ATP10B: variants seen among roughly 807,000 people sequenced by gnomAD.
The protein encoded by ATP10B is phospholipid-transporting ATPase VB.
ATP10B carries 122 observed loss-of-function variants against 141.2 expected under a neutral mutation model. The observed-to-expected ratio is 0.86, with a 90% CI of 0.75 to 1.00. ATP10B has a LOEUF of 1.00. ATP10B is among the 50% of genes least tolerant of loss of function. The probability of loss-of-function intolerance (pLI) is 0.00; values close to 1 mark genes in which losing one functional copy is unlikely to be tolerated. For synonymous variants in ATP10B, 685 were observed against 692.0 expected, an observed-to-expected ratio of 0.99 and a Z score of 0.16; for missense variants, 1,876 against 1,825.3, an observed-to-expected ratio of 1.03 and a Z score of -0.51.
At chr5:160,918,578 CCTA>C in the ATP10B span, among the ~76,000 whole-genome samples, 2 of 152,208 alleles carry the variant, frequency 1.3e-5, no homozygotes, top group Non-Finnish European at 2.9e-5. Context: ...ACACATAAAT[CCTA>C]CTTACTCAGC....
chr5:160,575,444 A>G (rs1477164505), intron 24 of ATP10B, among the ~76,000 whole-genome samples: 2 of 152,178 alleles, frequency 1.3e-5, no homozygotes, highest in South Asian at 2.1e-4. Flanking sequence ...GTTTAAAGAA[A>G]GAATAATGCT....
chr5:160,868,011 C>T, the ATP10B span, among the ~76,000 whole-genome samples: 286 of 152,096 alleles, frequency 1.9e-3, no homozygotes, highest in African/African-American at 6.7e-3. Context: ...GTAATATCAC[C>T]GAAAGCTCTG....
chr5:160,630,539 T>C (rs1758863929), intron 13 of ATP10B, among the ~76,000 whole-genome samples: 1 of 152,226 alleles, frequency 6.6e-6, no homozygotes, highest in East Asian at 1.9e-4. Flanking sequence ...AACTGGAAGA[T>C]GCCAACGACA....
At position 160,623,525 on chromosome 5, in the gene ATP10B, A is replaced by AT. The variant is rs11320828; in HGVS notation, c.1621-941dup. Among the ~76,000 whole-genome samples, 282 of 149,696 alleles carry AT rather than the reference A, an allele frequency of 1.9e-3. 1 individual carries two copies. The highest frequency in any genetic ancestry group is 0.01 in the Middle Eastern group (3 of 288). On this transcript the variant is annotated intron_variant, in intron 13 of 25. Transcript: ENST00000327245. ...ATAAAGCAAAGATGATGCATGACCT[A>AT]TTTTTTTTTTTTCTTTTCCTCCTAT...
At chr5:160,602,836 T>A (rs1264935526) in intron 20 of ATP10B, 134 bp from the exon 21 acceptor site, 4 of 1,248,214 alleles carry the variant, frequency 3.2e-6, no homozygotes, top group African/African-American at 1.5e-5. Context: ...TGGTCACTCT[T>A]GGGTAGCTTT....
the ATP10B span, among the ~76,000 whole-genome samples, chr5:160,872,668 G>A: frequency 3.9e-5 from 6 of 152,040 alleles, no homozygotes; most frequent in African/African-American, 9.7e-5. Flanking sequence ...TTGCTTTGTC[G>A]AAGATCAGTT....
chr5:160,566,387 T>G (rs1487630182), intron 25 of ATP10B, among the ~76,000 whole-genome samples: 2 of 152,238 alleles, frequency 1.3e-5, no homozygotes, highest in African/African-American at 4.8e-5. Context: ...TGTTAAGCCT[T>G]TGTGAAACTT....
At position 160,565,522 on chromosome 5, in the gene ATP10B, T is replaced by C. The variant is rs760008541; in HGVS notation, c.4317A>G (p.Gly1439=). ...TTGAGCACCGGCACATATCAGTCTG[T>C]CCTCTTGAGTAGGCCATTATCCTGT... ...GPNRIMAYSR[G]QTDMCRCSKR... The change falls in exon 26 of 26, where the codon GGA becomes GGG. Residue 1439 remains glycine, a synonymous_variant. Coordinates refer to ENST00000327245, the MANE Select transcript of ATP10B (RefSeq NM_025153.3). 5.0e-6 allele frequency: 8 copies of C among 1,613,982 alleles called. No individual in the cohort carries two copies. In the East Asian group the frequency reaches 1.8e-4, roughly 36 times the overall value.
chr5:160,751,431 A>G (rs1044383435), intron 2 of ATP10B, among the ~76,000 whole-genome samples: 16 of 152,226 alleles, frequency 1.1e-4, no homozygotes, highest in African/African-American at 3.9e-4. Context: ...CAGTGACAGG[A>G]TGAAGTAAGC....
At chr5:160,754,940 T>C (rs1036185820) in intron 2 of ATP10B, among the ~76,000 whole-genome samples, 5 of 152,246 alleles carry the variant, frequency 3.3e-5, no homozygotes, top group Non-Finnish European at 7.3e-5. Context: ...ACTACACATA[T>C]AGTCATGCTT....
the ATP10B span, among the ~76,000 whole-genome samples, chr5:160,880,628 A>G: frequency 4.2e-4 from 64 of 152,336 alleles, no homozygotes; most frequent in Middle Eastern, 3.4e-3. Flanking sequence ...ATAGAACCAC[A>G]TAAGACCCAT....
the ATP10B span, among the ~76,000 whole-genome samples, chr5:160,923,819 A>G: frequency 2.6e-5 from 4 of 152,340 alleles, no homozygotes; most frequent in African/African-American, 9.6e-5. Context: ...CTGAAACTAT[A>G]CTTTAAGATC....
At chr5:160,619,085 T>C (rs1758179829) in intron 15 of ATP10B, among the ~76,000 whole-genome samples, 1 of 152,210 alleles carries the variant, frequency 6.6e-6, no homozygotes, top group Non-Finnish European at 1.5e-5. Context: ...TTAAGCATAG[T>C]CTTCATTTGT....
intron 2 of ATP10B, among the ~76,000 whole-genome samples, chr5:160,735,567 C>A (rs960989984): frequency 6.6e-6 from 1 of 152,108 alleles, no homozygotes; most frequent in African/African-American, 2.4e-5. Flanking sequence ...CAATACTTCA[C>A]TTTTAGCATT....
At chr5:160,925,362 G>A in the ATP10B span, among the ~76,000 whole-genome samples, 4 of 152,134 alleles carry the variant, frequency 2.6e-5, no homozygotes, top group Admixed American at 2.0e-4. Flanking sequence ...CATACCTATC[G>A]ATTTGTATAA....
At chr5:160,845,685 A>G (rs940937705) in intron 1 of ATP10B, among the ~76,000 whole-genome samples, 6 of 152,196 alleles carry the variant, frequency 3.9e-5, no homozygotes, top group Non-Finnish European at 7.4e-5. Flanking sequence ...GCCAAATTAA[A>G]TACATCTTCC....
chr5:160,687,731 C>T, intron 5 of ATP10B, 69 bp downstream of exon 5: 2 of 1,536,476 alleles, frequency 1.3e-6, no homozygotes, highest in Non-Finnish European at 1.8e-6. Flanking sequence ...CACGACTATA[C>T]TCCAGCCTGG....
chr5:160,599,794 T>C (rs1046177731), intron 21 of ATP10B, among the ~76,000 whole-genome samples: 3 of 152,216 alleles, frequency 2.0e-5, no homozygotes, highest in Admixed American at 1.3e-4. Context: ...TTGTCTACCA[T>C]ATTGCGATAT....
intron 2 of ATP10B, among the ~76,000 whole-genome samples, chr5:160,727,905 G>C (rs573000135): frequency 6.6e-6 from 1 of 152,134 alleles, no homozygotes; most frequent in African/African-American, 2.4e-5. Flanking sequence ...ATTATTTTTT[G>C]GCCTCTTGTG....
Sources: allele counts gnomAD v4.1 joint callset (sites outside exome capture counted in the v4.1 genomes callset), GRCh38; gene constraint gnomAD v4.1.1; transcripts MANE v1.5; gene names NCBI Gene and HGNC (gene_info 2026-07-23, HGNC 2026-07-21).